TMEM135: variants seen among roughly 807,000 people sequenced by gnomAD.
TMEM135 encodes peroxisomal membrane protein 52.
TMEM135 carries 30 observed loss-of-function variants against 60.3 expected under a neutral mutation model. The ratio of observed to expected loss-of-function variants is 0.50; its 90% confidence interval spans 0.37 to 0.68. The LOEUF (loss-of-function observed/expected upper bound fraction) is 0.68. TMEM135 is among the 30% of genes least tolerant of loss of function. TMEM135 has a pLI of 0.00. For missense variants in TMEM135, 468 were observed against 548.8 expected, an observed-to-expected ratio of 0.85 and a Z score of 1.47; for synonymous variants, 190 against 186.7, an observed-to-expected ratio of 1.02 and a Z score of -0.14.
At chr11:87,152,591 A>AC (rs533469542) in intron 4 of TMEM135, among the ~76,000 whole-genome samples, 183 of 152,242 alleles carry the variant, frequency 1.2e-3, no homozygotes, top group African/African-American at 4.2e-3. Context: ...GGCATGTGCC[A>AC]CCATGCCTGG....
At chr11:87,254,934 G>T (rs188628982) in intron 6 of TMEM135, among the ~76,000 whole-genome samples, 1,529 of 152,232 alleles carry the variant, frequency 0.01, 11 homozygotes, top group Non-Finnish European at 0.016. Flanking sequence ...GAGCCCAGGG[G>T]TTCGATACCA....
chr11:87,325,612 T>C lies in TMEM135; in HGVS notation c.*4279T>C, dbSNP rs920383648. On this transcript the variant is annotated 3_prime_UTR_variant, in exon 15 of 15. Coordinates refer to ENST00000305494, the MANE Select transcript of TMEM135 (RefSeq NM_022918.4). ...TGTTAACTAGTCTCCTTGGACTTCA[T>C]TGCAACCTTTTAAGCCAGCCGTTCA... is the stretch of plus-strand genomic sequence containing the variant. 28 of 453,986 alleles carry C rather than the reference T, an allele frequency of 6.2e-5. No individual in the cohort carries two copies. The highest frequency in any genetic ancestry group is 2.6e-4 in the African/African-American group (13 of 50,090). 28.1% of individuals were successfully genotyped at this position (453,986 alleles called of 1,614,324 possible). A position where few individuals can be genotyped will look rare whatever the true frequency, so the allele number is the denominator to read the frequency against.
chr11:87,172,528 C>A (rs574101165), intron 5 of TMEM135, among the ~76,000 whole-genome samples: 42 of 151,546 alleles, frequency 2.8e-4, no homozygotes, highest in African/African-American at 9.7e-4. Flanking sequence ...GCATGGTGTA[C>A]ATAAGTAATA....
rs755000551 is a variant in TMEM135, at chr11:87,324,613, T to C, written c.*3280T>C. On this transcript the variant is annotated 3_prime_UTR_variant, in exon 15 of 15. Transcript: ENST00000305494. ...ATTTATTTTATTTATTTTTTTTTTG[T>C]AGAAACAAGGTGTTGCTATGTTGTC... 5 of 438,044 alleles carry C rather than the reference T, an allele frequency of 1.1e-5. No homozygotes were observed. The highest frequency in any genetic ancestry group is 4.1e-5 in the African/African-American group (2 of 48,588). The allele number at this position is 438,044 out of a possible 1,614,324, so 27.1% of individuals were successfully genotyped here.
chr11:87,316,329 A>G (rs1158454419), intron 12 of TMEM135, among the ~76,000 whole-genome samples: 2 of 151,342 alleles, frequency 1.3e-5, no homozygotes, highest in Non-Finnish European at 3.0e-5. Flanking sequence ...AGAGATTGAG[A>G]GAATATATAC....
In TMEM135 at chr11:87,262,669, A is replaced by G. The variant is rs142924542; in HGVS notation, c.509+25985A>G. Among the ~76,000 whole-genome samples the G allele has an allele frequency of 1.4e-3, 212 of 152,260 alleles. 1 individual carries two copies. The highest frequency in any genetic ancestry group is 4.8e-3 in the African/African-American group (201 of 41,542). ...CTGAGTGGCATATAACAGCAAGCCA[A>G]TTATCTGGCCAGCTCTGTTTCATGC... On this transcript the variant is annotated intron_variant, in intron 6 of 14. Coordinates refer to ENST00000305494, the MANE Select transcript of TMEM135 (RefSeq NM_022918.4).
At chr11:87,303,145 A>T (rs1244448071) in intron 8 of TMEM135, among the ~76,000 whole-genome samples, 1 of 152,178 alleles carries the variant, frequency 6.6e-6, no homozygotes, top group East Asian at 1.9e-4. Context: ...GAACCTGGCC[A>T]CACAGCAGGA....
rs539141107 is a variant in TMEM135, at chr11:87,046,629, G to A, written c.141+8443G>A. Among the ~76,000 whole-genome samples, 4 of 152,266 alleles carry A rather than the reference G, an allele frequency of 2.6e-5. No homozygotes were observed. The East Asian group carries it at 7.7e-4, about 29-fold the overall frequency. ...ACCATGAGACATTGAGAAATGCAGG[G>A]GTAGAGAGAAACTGAGGCTAGAGAT... On this transcript the variant is annotated intron_variant, in intron 1 of 14. Transcript: ENST00000305494.
intron 4 of TMEM135, among the ~76,000 whole-genome samples, chr11:87,103,484 TTTTTTTTTTG>T (rs761615484): frequency 0.16 from 20,048 of 122,056 alleles, 1,278 homozygotes; most frequent in Non-Finnish European, 0.17. Flanking sequence ...TTTTTTTGTT[TTTTTTTTTTG>T]TTTGTTTTTT....
chr11:87,204,269 A>AT (rs143351546), intron 5 of TMEM135, among the ~76,000 whole-genome samples: 19,772 of 151,296 alleles, frequency 0.13, 1,337 homozygotes, highest in Non-Finnish European at 0.15. Flanking sequence ...TATTCGTACA[A>AT]TTTTTTTTTA....
Position 87,295,789 on chromosome 11 carries a change from G to C in TMEM135, c.517G>C (p.Asp173His). 1 of 1,607,518 alleles carries C rather than the reference G, an allele frequency of 6.2e-7. No homozygotes were observed. The highest frequency in any genetic ancestry group is 2.2e-5 in the East Asian group (1 of 44,674). Residue 173 changes from aspartate to histidine, a missense_variant, in exon 7 of 15, where the codon GAT (aspartate) becomes CAT (histidine). Asp to His is a moderately conservative substitution (Grantham distance 81, BLOSUM62 -1). Transcript: ENST00000305494. ...AAATTCTTATTGTTTTAGGTGCAAG[G>C]ATGGCTTGAAAGGATTTACATTTTC... Reference protein sequence around the residue: ...AMYMFFFRCKDGLKGFTFSAL... With the variant: ...AMYMFFFRCKHGLKGFTFSAL...
Position 87,324,155 on chromosome 11 carries a change from T to C in TMEM135, c.*2822T>C, listed in dbSNP as rs918101490. 7 of 453,980 alleles carry C rather than the reference T, an allele frequency of 1.5e-5. No individual in the cohort carries two copies. The highest frequency in any genetic ancestry group is 8.0e-5 in the African/African-American group (4 of 50,002). The allele number at this position is 453,980 out of a possible 1,614,324, so 28.1% of individuals were successfully genotyped here. ...GTATCTAGGCTAACATTTCATTTAG[T>C]TGTTAATGCTGACGTAATTGTTTCC... On this transcript the variant is annotated 3_prime_UTR_variant, in exon 15 of 15. Transcript: ENST00000305494.
At chr11:87,136,252 A>C (rs964222538) in intron 4 of TMEM135, among the ~76,000 whole-genome samples, 1 of 152,018 alleles carries the variant, frequency 6.6e-6, no homozygotes, top group African/African-American at 2.4e-5. Flanking sequence ...ATTATGTCAG[A>C]TGCTTTTTCT....
chr11:87,057,741 G>A lies in TMEM135; in HGVS notation c.142-9953G>A, dbSNP rs1011841579. On this transcript the variant is annotated intron_variant, in intron 1 of 14. Transcript: ENST00000305494. ...TGATTCTAACCTTAAAAATAAAGAC[G>A]TTGGAAGCAATTCAGATTTAGCTTA... 3.3e-5 allele frequency among the ~76,000 whole-genome samples: 5 copies of A among 152,026 alleles called. No homozygotes were observed. The South Asian group carries it at 6.2e-4, about 19-fold the overall frequency.
intron 1 of TMEM135, among the ~76,000 whole-genome samples, chr11:87,053,916 C>T (rs1260920522): frequency 1.3e-5 from 2 of 151,934 alleles, no homozygotes; most frequent in Non-Finnish European, 2.9e-5. Context: ...GTATTTTTTC[C>T]TTCAGGTAAT....
At chr11:87,163,121 T>TG (rs1233111816) in intron 5 of TMEM135, among the ~76,000 whole-genome samples, 5 of 150,906 alleles carry the variant, frequency 3.3e-5, no homozygotes, top group Admixed American at 2.0e-4. Flanking sequence ...TGTGCCATGC[T>TG]GGTGCACTGC....
At chr11:87,295,225 C>T (rs1167026631) in intron 6 of TMEM135, among the ~76,000 whole-genome samples, 2 of 152,200 alleles carry the variant, frequency 1.3e-5, no homozygotes, top group African/African-American at 4.8e-5. Flanking sequence ...TTTCTGCTCT[C>T]CCCTCACCCC....
intron 2 of TMEM135, 117 bp downstream of exon 2, chr11:87,067,938 C>T: frequency 7.9e-7 from 1 of 1,272,112 alleles, no homozygotes; most frequent in East Asian, 2.4e-5. Flanking sequence ...TTTTTTTAAT[C>T]TGTGAAGTGA....
chr11:87,328,449 C>T lies in TMEM135; in HGVS notation c.*7116C>T. On this transcript the variant is annotated 3_prime_UTR_variant, in exon 15 of 15. Coordinates refer to ENST00000305494, the MANE Select transcript of TMEM135 (RefSeq NM_022918.4). ...ATTGGTGAAGTCTGAAATTTTAGTGCACCTGTCACCAGAATAGTGTGCATT... is the reference window on the plus strand; with the variant it reads ...ATTGGTGAAGTCTGAAATTTTAGTGTACCTGTCACCAGAATAGTGTGCATT... The T allele has an allele frequency of 2.2e-6, 1 of 454,070 alleles. No homozygotes were observed. Among genetic ancestry groups the T allele is most frequent in the South Asian group, 1.6e-5 (1 of 64,476 alleles). 28.1% of individuals were successfully genotyped at this position (454,070 alleles called of 1,614,324 possible).
Sources: gnomAD v4.1 joint callset for allele counts (sites outside exome capture counted in the v4.1 genomes callset) on GRCh38, gnomAD v4.1.1 for gene constraint, MANE v1.5 for transcripts, NCBI Gene and HGNC (gene_info 2026-07-23, HGNC 2026-07-21) for gene names.